The following GPC3 variants were observed in gnomAD, a reference collection of about 807,000 sequenced individuals.
GPC3 encodes glypican-3.
GPC3 carries 3 observed loss-of-function variants against 34.4 expected under a neutral mutation model. The observed-to-expected ratio is 0.09, with a 90% CI of 0.04 to 0.23. GPC3 has a LOEUF of 0.23. Among genes scored for constraint, GPC3 ranks in the 10% least tolerant of loss-of-function variants. The pLI, the probability that GPC3 is intolerant of heterozygous loss-of-function variation, is 1.00. For missense variants in GPC3, 351 were observed against 445.6 expected (o/e 0.79, Z 1.91); for synonymous variants, 177 against 174.0 (o/e 1.02, Z -0.13).
At chrX:133,645,991 CA>C (rs902161710) in intron 6 of GPC3, among the ~76,000 whole-genome samples, 4 of 80,957 alleles carry the variant, frequency 4.9e-5, no homozygotes, top group Admixed American at 4.3e-4. Flanking sequence ...AAAAGTTACA[CA>C]AAAAAAATTG....
At chrX:133,830,913 A>T (rs1388986288) in intron 2 of GPC3, among the ~76,000 whole-genome samples, 1 of 110,218 alleles carries the variant, frequency 9.1e-6, no homozygotes, top group Non-Finnish European at 1.9e-5. Context: ...TTTGCAAATC[A>T]TACATTCCAC....
chrX:133,768,364 T>C (rs1046032421), intron 2 of GPC3, among the ~76,000 whole-genome samples: 3 of 111,564 alleles, frequency 2.7e-5, no homozygotes, highest in African/African-American at 9.8e-5. Context: ...AACCTCTTTT[T>C]GACATTGCCT....
intron 2 of GPC3, among the ~76,000 whole-genome samples, chrX:133,847,559 C>T (rs190802268): frequency 8.9e-6 from 1 of 112,133 alleles, no homozygotes; most frequent in African/African-American, 3.2e-5. Flanking sequence ...TCCATGACAG[C>T]TCTCCAGCTC....
Position 133,661,726 on chromosome X carries a change from A to G in GPC3, c.1413+4T>C, listed in dbSNP as rs1468820113. On this transcript the variant is annotated splice_donor_region_variant and intron_variant, in intron 6 of 7. Transcript: ENST00000370818. ...ATTATTATTATTTTTTATATTCCAC[A>G]TACCTGGTTAATGTGCTTCAGTTTG... The G allele has an allele frequency of 1.8e-6, 2 of 1,115,779 alleles. No homozygotes were observed. Among genetic ancestry groups the G allele is most frequent in the Non-Finnish European group, 1.2e-6 (1 of 817,835 alleles). The allele number at this position is 1,115,779 out of a possible 1,213,427, so 92.0% of individuals were successfully genotyped here.
At chrX:133,770,477 C>A (rs1461574292) in intron 2 of GPC3, among the ~76,000 whole-genome samples, 1 of 111,790 alleles carries the variant, frequency 8.9e-6, no homozygotes, top group Non-Finnish European at 1.9e-5. Flanking sequence ...GAAAGACAAG[C>A]AACCACTCCC....
intron 2 of GPC3, among the ~76,000 whole-genome samples, chrX:133,896,374 A>AG (rs1371724160): frequency 1.2e-4 from 13 of 109,981 alleles, no homozygotes; most frequent in African/African-American, 2.3e-4. Context: ...AAAAAAAAAA[A>AG]AAAGAAAGAA....
At chrX:133,770,949 G>A (rs1439548107) in intron 2 of GPC3, among the ~76,000 whole-genome samples, 3 of 111,570 alleles carry the variant, frequency 2.7e-5, no homozygotes, top group African/African-American at 9.8e-5. Flanking sequence ...GGGAGGGGAT[G>A]GGGGGAAGGA....
intron 2 of GPC3, among the ~76,000 whole-genome samples, chrX:133,783,912 G>C (rs1603246765): frequency 9.0e-6 from 1 of 111,515 alleles, no homozygotes. Context: ...CGAGTTTTGG[G>C]GACACATTAA....
intron 2 of GPC3, among the ~76,000 whole-genome samples, chrX:133,866,015 T>C (rs1234131582): frequency 8.9e-6 from 1 of 111,930 alleles, no homozygotes; most frequent in African/African-American, 3.2e-5. Flanking sequence ...ATATGAAAAA[T>C]TGAAATAAAA....
chrX:133,889,137 C>CGGACTCAA (rs2076074809), intron 2 of GPC3, among the ~76,000 whole-genome samples: 2 of 112,148 alleles, frequency 1.8e-5, no homozygotes, highest in Admixed American at 1.9e-4. Flanking sequence ...TCCTTTTCTC[C>CGGACTCAA]GGACTCAAGA....
At chrX:133,815,582 A>T (rs1026454454) in intron 2 of GPC3, among the ~76,000 whole-genome samples, 3 of 112,408 alleles carry the variant, frequency 2.7e-5, no homozygotes, top group Admixed American at 9.4e-5. Flanking sequence ...AAACTAAAAA[A>T]ACTTAAAAAG....
intron 2 of GPC3, chrX:133,763,713 T>C: frequency 2.0e-6 from 1 of 501,801 alleles, no homozygotes; most frequent in South Asian, 2.6e-5. Flanking sequence ...TTAAGCAACA[T>C]GGAAATAAGG....
At chrX:133,715,688 A>C (rs1277179932) in intron 3 of GPC3, among the ~76,000 whole-genome samples, 1 of 111,402 alleles carries the variant, frequency 9.0e-6, no homozygotes, top group Non-Finnish European at 1.9e-5. Context: ...AGCTGCCTGA[A>C]GCAAGGGGAC....
chrX:133,776,143 C>G (rs975743907), intron 2 of GPC3, among the ~76,000 whole-genome samples: 1 of 111,760 alleles, frequency 8.9e-6, no homozygotes, highest in Non-Finnish European at 1.9e-5. Context: ...TTTATCTATT[C>G]TAAATATATC....
chrX:133,754,935 C>A (rs1270461165), intron 2 of GPC3, among the ~76,000 whole-genome samples: 1 of 112,176 alleles, frequency 8.9e-6, no homozygotes, highest in African/African-American at 3.2e-5. Flanking sequence ...GAAGCCTTAT[C>A]TGCTCTACAG....
At position 133,942,599 on chromosome X, in the gene GPC3, A is replaced by G. The variant is rs916097244; in HGVS notation, c.337+10451T>C. On this transcript the variant is annotated intron_variant, in intron 2 of 7. Coordinates refer to ENST00000370818, the MANE Select transcript of GPC3 (RefSeq NM_004484.4). ...CAAGACGATATGTCAAAATGTTAAC[A>G]GTAGCTATCCTCTAGTGGGTAGAAT... Among the ~76,000 whole-genome samples the G allele has an allele frequency of 5.3e-5, 6 of 112,357 alleles. No individual in the cohort carries two copies. In the Admixed American group the frequency reaches 5.7e-4, roughly 11 times the overall value.
intron 2 of GPC3, among the ~76,000 whole-genome samples, chrX:133,844,044 G>A (rs1175716565): frequency 3.6e-5 from 4 of 111,739 alleles, no homozygotes; most frequent in Non-Finnish European, 7.5e-5. Flanking sequence ...GAGAGAATAT[G>A]GCTAGCAAAA....
At chrX:133,558,262 AC>A (rs1427231034) in intron 7 of GPC3, among the ~76,000 whole-genome samples, 1 of 103,033 alleles carries the variant, frequency 9.7e-6, no homozygotes, top group East Asian at 3.1e-4. Flanking sequence ...GAAGCCTAAG[AC>A]CAAGTTTAGG....
At chrX:133,940,111 T>A (rs1474858382) in intron 2 of GPC3, among the ~76,000 whole-genome samples, 2 of 111,320 alleles carry the variant, frequency 1.8e-5, no homozygotes, top group African/African-American at 6.5e-5. Flanking sequence ...TAGGAAAGGC[T>A]GCCACCCTGC....
Sources: allele counts gnomAD v4.1 joint callset (sites outside exome capture counted in the v4.1 genomes callset), GRCh38; gene constraint gnomAD v4.1.1; transcripts MANE v1.5; gene names NCBI Gene and HGNC (gene_info 2026-07-23, HGNC 2026-07-21).